SERPINB12: variants seen among roughly 807,000 people sequenced by gnomAD.
The protein encoded by SERPINB12 is serpin B12.
A neutral mutation model predicts 41.1 loss-of-function variants in SERPINB12; 57 were observed. The observed-to-expected ratio is 1.39, with a 90% CI of 1.12 to 1.73. The LOEUF is 1.73. SERPINB12 is among the 40% of genes most tolerant of loss of function. The pLI, the probability that SERPINB12 is intolerant of heterozygous loss-of-function variation, is 0.00. For synonymous variants in SERPINB12, 180 were observed against 181.3 expected, an observed-to-expected ratio of 0.99 and a Z score of 0.06; for missense variants, 536 against 501.9, an observed-to-expected ratio of 1.07 and a Z score of -0.65.
intron 4 of SERPINB12, among the ~76,000 whole-genome samples, 173 bp from the exon 5 acceptor site, chr18:63,560,912 G>A (rs199808753): frequency 1.3e-5 from 2 of 152,302 alleles, no homozygotes; most frequent in East Asian, 1.9e-4. Flanking sequence ...AAACTGAAAT[G>A]TCTCTGGCTA....
the SERPINB12 span, among the ~76,000 whole-genome samples, chr18:63,524,787 T>C: frequency 0.02 from 2,925 of 149,876 alleles, 105 homozygotes; most frequent in African/African-American, 0.068. Flanking sequence ...TCTTGCTCTG[T>C]CACCCAGGCT....
upstream of SERPINB12, among the ~76,000 whole-genome samples, chr18:63,539,652 G>T (rs1007841260): frequency 6.6e-6 from 1 of 151,986 alleles, no homozygotes; most frequent in Non-Finnish European, 1.5e-5. Flanking sequence ...GTCATTTTTT[G>T]TGGGCACGTA....
intron 6 of SERPINB12, 129 bp from the exon 7 acceptor site, chr18:63,565,316 G>A: frequency 1.3e-6 from 1 of 763,546 alleles, no homozygotes; most frequent in Non-Finnish European, 2.1e-6. Flanking sequence ...TGGATCCCTG[G>A]TGTGGCTCAG....
chr18:63,561,281 C>A, intron 5 of SERPINB12, 79 bp downstream of exon 5: 2 of 801,484 alleles, frequency 2.5e-6, no homozygotes, highest in Non-Finnish European at 4.3e-6. Flanking sequence ...TTGCAGACTG[C>A]TGGTCTACTG....
Position 63,559,047 on chromosome 18 carries a change from T to TTTCTTTCTTTCTTTC in SERPINB12, c.304-519_304-518insTTCTTCTTTCTTTCT, listed in dbSNP as rs1200881737. Among the ~76,000 whole-genome samples, 5 of 92,654 alleles carry TTTCTTTCTTTCTTTC rather than the reference T, an allele frequency of 5.4e-5. No individual in the cohort carries two copies. In the South Asian group the frequency reaches 1.8e-3, roughly 34 times the overall value. 60.8% of individuals were successfully genotyped at this position (92,654 alleles called of 152,430 possible). A position where few individuals can be genotyped will look rare whatever the true frequency, so the allele number is the denominator to read the frequency against. On this transcript the variant is annotated intron_variant, in intron 3 of 7. Coordinates refer to ENST00000382768, the MANE Select transcript of SERPINB12 (RefSeq NM_001307928.2). Reference sequence around the variant, plus strand: ...CTTTCTTTCTTTCTTTCTTTCTTTCTTTCTTTCTTTCTCTCCTTCTTCTCT... The same window carrying TTTCTTTCTTTCTTTC: ...CTTTCTTTCTTTCTTTCTTTCTTTCTTTCTTTCTTTCTTTCTTCTTTCTTTCTCTCCTTCTTCTCT...
the SERPINB12 span, among the ~76,000 whole-genome samples, chr18:63,525,597 G>T: frequency 6.6e-6 from 1 of 152,152 alleles, no homozygotes; most frequent in Non-Finnish European, 1.5e-5. Flanking sequence ...CACTTAACGA[G>T]TATCTATTAC....
At chr18:63,557,207 C>T (rs1327605554) in intron 2 of SERPINB12, among the ~76,000 whole-genome samples, 7 of 152,064 alleles carry the variant, frequency 4.6e-5, no homozygotes, top group Non-Finnish European at 8.8e-5. Context: ...CCTTTGCTCT[C>T]GGTCCCTTTG....
upstream of SERPINB12, among the ~76,000 whole-genome samples, chr18:63,538,490 A>G (rs1238462437): frequency 6.6e-6 from 1 of 152,162 alleles, no homozygotes; most frequent in Non-Finnish European, 1.5e-5. Flanking sequence ...AATGTTTTCA[A>G]GGTTCATGTA....
intron 1 of SERPINB12, among the ~76,000 whole-genome samples, chr18:63,545,180 A>C (rs1352668713): frequency 6.6e-6 from 1 of 152,146 alleles, no homozygotes; most frequent in Non-Finnish European, 1.5e-5. Context: ...TGATGAAGTA[A>C]ACATTATTTT....
intron 3 of SERPINB12, among the ~76,000 whole-genome samples, chr18:63,559,065 T>TCTTCTCTC (rs71162655): frequency 9.3e-5 from 3 of 32,118 alleles, no homozygotes; most frequent in African/African-American, 1.6e-4. Context: ...TTTCTCTCCT[T>TCTTCTCTC]CTTCTCTCCT....
At chr18:63,542,247 A>T (rs1910287763), upstream of SERPINB12, among the ~76,000 whole-genome samples, 1 of 152,174 alleles carries the variant, frequency 6.6e-6, no homozygotes, top group Non-Finnish European at 1.5e-5. Flanking sequence ...TGTAGAGATA[A>T]TCACTTTAAC....
chr18:63,536,580 A>C, the SERPINB12 span, among the ~76,000 whole-genome samples: 1 of 152,074 alleles, frequency 6.6e-6, no homozygotes, highest in Non-Finnish European at 1.5e-5. Context: ...CCTTTTTTCT[A>C]TTCTCATGAA....
At chr18:63,548,496 G>GT (rs1184712827) in intron 1 of SERPINB12, among the ~76,000 whole-genome samples, 2 of 151,726 alleles carry the variant, frequency 1.3e-5, no homozygotes, top group African/African-American at 4.8e-5. Context: ...GTAAATAAGA[G>GT]TAAAAACAAT....
intron 1 of SERPINB12, among the ~76,000 whole-genome samples, chr18:63,548,007 C>G (rs907462726): frequency 6.6e-6 from 1 of 152,120 alleles, no homozygotes; most frequent in African/African-American, 2.4e-5. Context: ...GAATTAAAAA[C>G]ACTGAACCTA....
chr18:63,522,041 A>G, the SERPINB12 span, among the ~76,000 whole-genome samples: 12 of 152,242 alleles, frequency 7.9e-5, no homozygotes, highest in African/African-American at 2.9e-4. Context: ...TTCTCTCTAT[A>G]GTAATCCTGA....
In SERPINB12 at chr18:63,556,217, G is replaced by A. The variant is rs771601179; in HGVS notation, c.58G>A (p.Gly20Ser). The change falls in exon 2 of 8, where the codon GGC (glycine) becomes AGC (serine). Residue 20 changes from glycine to serine, a missense_variant. By Grantham distance (56) the Gly-to-Ser change is moderately conservative. Coordinates refer to ENST00000382768, the MANE Select transcript of SERPINB12 (RefSeq NM_001307928.2). ...KFCFDLFQEI[G>S]KDDRHKNIFF... Reference sequence around the variant, plus strand: ...TTGCTTTGATCTTTTTCAAGAGATAGGCAAAGATGATCGTCATAAAAACAT... The same window carrying A: ...TTGCTTTGATCTTTTTCAAGAGATAAGCAAAGATGATCGTCATAAAAACAT... 26 of 1,613,844 alleles carry A rather than the reference G, an allele frequency of 1.6e-5. No individual in the cohort carries two copies. The Admixed American group carries it at 4.3e-4, about 27-fold the overall frequency.
At chr18:63,556,538 T>C (rs1030158242) in intron 2 of SERPINB12, among the ~76,000 whole-genome samples, 1 of 152,224 alleles carries the variant, frequency 6.6e-6, no homozygotes, top group African/African-American at 2.4e-5. Context: ...ACTTGTACCT[T>C]CTTTAGGGTG....
intron 6 of SERPINB12, among the ~76,000 whole-genome samples, chr18:63,564,845 G>A (rs145575092): frequency 1.9e-3 from 291 of 152,298 alleles, no homozygotes; most frequent in African/African-American, 6.7e-3. Flanking sequence ...TAACAGTGGA[G>A]ATGCTTTGAT....
intron 1 of SERPINB12, among the ~76,000 whole-genome samples, chr18:63,554,634 C>T (rs1910616821): frequency 6.6e-6 from 1 of 152,160 alleles, no homozygotes; most frequent in African/African-American, 2.4e-5. Flanking sequence ...GTGGTGAGAT[C>T]TACATATTCT....
Sources: allele counts gnomAD v4.1 joint callset (sites outside exome capture counted in the v4.1 genomes callset), GRCh38; gene constraint gnomAD v4.1.1; transcripts MANE v1.5; gene names NCBI Gene and HGNC (gene_info 2026-07-23, HGNC 2026-07-21).